The following KCNMA1 variants were observed in gnomAD, a reference collection of about 807,000 sequenced individuals.
KCNMA1 encodes potassium calcium-activated channel subfamily M alpha 1.
KCNMA1 carries 29 observed loss-of-function variants against 140.0 expected under a neutral mutation model. The observed-to-expected ratio is 0.21, with a 90% CI of 0.15 to 0.28. The LOEUF is 0.28. Ranked by LOEUF, KCNMA1 falls within the 10% of genes least tolerant of loss-of-function variation. KCNMA1 has a pLI of 1.00. For synonymous variants in KCNMA1, 612 were observed against 611.9 expected (o/e 1.00, Z 0.00); for missense variants, 880 against 1,602.2 (o/e 0.55, Z 7.70).
chr10:77,448,554 A>T (rs1252421013), intron 1 of KCNMA1, among the ~76,000 whole-genome samples: 1 of 152,202 alleles, frequency 6.6e-6, no homozygotes, highest in Non-Finnish European at 1.5e-5. Flanking sequence ...ACTGATCAGC[A>T]GCGACATCTA....
At chr10:77,109,131 G>C (rs1023410159) in intron 8 of KCNMA1, among the ~76,000 whole-genome samples, 1 of 151,906 alleles carries the variant, frequency 6.6e-6, no homozygotes, top group African/African-American at 2.4e-5. Flanking sequence ...ATAGCAAGGA[G>C]AAACACAAAT....
chr10:77,345,361 C>G (rs1199861079), intron 2 of KCNMA1, among the ~76,000 whole-genome samples: 1 of 151,768 alleles, frequency 6.6e-6, no homozygotes, highest in Non-Finnish European at 1.5e-5. Context: ...GTCAGGCTCC[C>G]CCTTTGCCAG....
In KCNMA1 at chr10:77,017,688, C is replaced by T. The variant is rs191681455; in HGVS notation, c.2015+1325G>A. Among the ~76,000 whole-genome samples, 25 of 152,296 alleles carry T rather than the reference C, an allele frequency of 1.6e-4. No homozygotes were observed. The East Asian group carries it at 4.8e-3, about 29-fold the overall frequency. Reference sequence around the variant, plus strand: ...AGAGGACCCTAAGTATCCACGGTCACATGTCATCGTTCTGTGCTCAGCGTA... The same window carrying T: ...AGAGGACCCTAAGTATCCACGGTCATATGTCATCGTTCTGTGCTCAGCGTA... On this transcript the variant is annotated intron_variant, in intron 17 of 27. Coordinates refer to ENST00000286628, the MANE Select transcript of KCNMA1 (RefSeq NM_001161352.2).
intron 3 of KCNMA1, among the ~76,000 whole-genome samples, chr10:77,239,242 A>C (rs905663540): frequency 6.6e-6 from 1 of 152,252 alleles, no homozygotes; most frequent in Admixed American, 6.5e-5. Context: ...GGAAAAGCAC[A>C]TGCTAGGTAC....
At chr10:77,271,805 C>T (rs10824510) in intron 2 of KCNMA1, among the ~76,000 whole-genome samples, 33,115 of 152,004 alleles carry the variant, frequency 0.22, 3,996 homozygotes, top group East Asian at 0.49. Context: ...TGAGCCTTAC[C>T]TGATGCAAAA....
intron 1 of KCNMA1, among the ~76,000 whole-genome samples, chr10:77,442,499 C>T (rs1162804087): frequency 1.3e-5 from 2 of 152,144 alleles, no homozygotes; most frequent in African/African-American, 2.4e-5. Context: ...CCTCTTGGGT[C>T]TGCTACTTTA....
At chr10:77,263,951 C>T (rs191322648) in intron 2 of KCNMA1, among the ~76,000 whole-genome samples, 1 of 152,304 alleles carries the variant, frequency 6.6e-6, no homozygotes, top group East Asian at 1.9e-4. Flanking sequence ...TCTCTCCTTC[C>T]TGCCCTCACC....
intron 1 of KCNMA1, among the ~76,000 whole-genome samples, chr10:77,573,867 T>C (rs1311367275): frequency 4.7e-5 from 7 of 149,356 alleles, no homozygotes; most frequent in African/African-American, 1.2e-4. Context: ...AGACAGGGTC[T>C]CACTCTGTCA....
rs747950549 is a variant in KCNMA1, at chr10:77,036,022, G to A, written c.1859+3506C>T. 4.6e-5 allele frequency among the ~76,000 whole-genome samples: 7 copies of A among 152,302 alleles called. No individual in the cohort carries two copies. The South Asian group carries it at 1.2e-3, about 27-fold the overall frequency. ...GGAGAAGTAGATCCACCCTCACTCTGGATGGGCACAATCTAATCAGCGGCC... is the reference window on the plus strand; with the variant it reads ...GGAGAAGTAGATCCACCCTCACTCTAGATGGGCACAATCTAATCAGCGGCC... On this transcript the variant is annotated intron_variant, in intron 15 of 27. Coordinates refer to ENST00000286628, the MANE Select transcript of KCNMA1 (RefSeq NM_001161352.2).
At chr10:77,552,422 G>A (rs2063078157) in intron 1 of KCNMA1, among the ~76,000 whole-genome samples, 2 of 152,170 alleles carry the variant, frequency 1.3e-5, no homozygotes, top group Non-Finnish European at 2.9e-5. Flanking sequence ...ACATTTCAGG[G>A]ATGTAGGGAA....
At chr10:77,537,908 G>A (rs971780360) in intron 1 of KCNMA1, among the ~76,000 whole-genome samples, 2 of 152,010 alleles carry the variant, frequency 1.3e-5, no homozygotes, top group Admixed American at 6.6e-5. Context: ...GGGCTTCCAC[G>A]CCCGTTATGA....
At chr10:77,015,583 T>A (rs1031135795) in intron 17 of KCNMA1, among the ~76,000 whole-genome samples, 1 of 152,148 alleles carries the variant, frequency 6.6e-6, no homozygotes, top group Non-Finnish European at 1.5e-5. Flanking sequence ...CTCCAGACTC[T>A]AAGATCCAAC....
At chr10:77,005,304 G>A (rs766436168) in intron 18 of KCNMA1, among the ~76,000 whole-genome samples, 1 of 152,202 alleles carries the variant, frequency 6.6e-6, no homozygotes, top group Non-Finnish European at 1.5e-5. Flanking sequence ...GGCAGTGAAA[G>A]GGTGAGAGGT....
At chr10:76,955,427 C>A (rs1377720748) in intron 20 of KCNMA1, among the ~76,000 whole-genome samples, 2 of 152,178 alleles carry the variant, frequency 1.3e-5, no homozygotes, top group African/African-American at 4.8e-5. Flanking sequence ...AACTTTCTCA[C>A]TGCCTTTATT....
intron 3 of KCNMA1, among the ~76,000 whole-genome samples, chr10:77,199,955 TA>T (rs2041932123): frequency 6.6e-6 from 1 of 152,156 alleles, no homozygotes; most frequent in Non-Finnish European, 1.5e-5. Context: ...TTATTTTTAT[TA>T]AATCTAGTTT....
chr10:77,230,369 G>A (rs1435542307), intron 3 of KCNMA1, among the ~76,000 whole-genome samples: 1 of 152,124 alleles, frequency 6.6e-6, no homozygotes, highest in Non-Finnish European at 1.5e-5. Context: ...TAGAAGTGAT[G>A]GTTGCATAAC....
chr10:77,620,382 G>C (rs1014769702), intron 1 of KCNMA1, among the ~76,000 whole-genome samples: 1 of 152,180 alleles, frequency 6.6e-6, no homozygotes, highest in Non-Finnish European at 1.5e-5. Flanking sequence ...CAAATACCTG[G>C]GGAAAGCAGG....
chr10:77,117,295 T>A (rs1045546004), intron 6 of KCNMA1, among the ~76,000 whole-genome samples: 15 of 151,970 alleles, frequency 9.9e-5, no homozygotes, highest in Non-Finnish European at 1.5e-4. Context: ...ACACCTGTAA[T>A]CCCAGCACTT....
intron 10 of KCNMA1, among the ~76,000 whole-genome samples, chr10:77,087,926 A>G (rs967437878): frequency 1.3e-5 from 2 of 151,730 alleles, no homozygotes; most frequent in East Asian, 3.9e-4. Context: ...AAATAATAGT[A>G]AAATAGTATT....
Sources: allele counts gnomAD v4.1 joint callset (sites outside exome capture counted in the v4.1 genomes callset), GRCh38; gene constraint gnomAD v4.1.1; transcripts MANE v1.5; gene names NCBI Gene and HGNC (gene_info 2026-07-23, HGNC 2026-07-21).